GSE1: variants seen among roughly 807,000 people sequenced by gnomAD.
GSE1 encodes genetic suppressor element 1.
In GSE1, 32 loss-of-function variants were observed where a neutral mutation model predicts 112.6. The ratio of observed to expected loss-of-function variants is 0.28; its 90% confidence interval spans 0.21 to 0.38. The LOEUF is 0.38. GSE1 is among the 10% of genes least tolerant of loss of function. The pLI, the probability that GSE1 is intolerant of heterozygous loss-of-function variation, is 1.00. For missense variants in GSE1, 2,348 were observed against 1,699.2 expected (o/e 1.38, Z -6.71); for synonymous variants, 1,115 against 735.6 (o/e 1.52, Z -8.35).
At chr16:85,647,572 G>T (rs549744979) in intron 2 of GSE1, among the ~76,000 whole-genome samples, 5 of 152,152 alleles carry the variant, frequency 3.3e-5, no homozygotes, top group African/African-American at 1.2e-4. Flanking sequence ...GCTGGGCCCC[G>T]TAGAGGGGTG....
chr16:85,188,969 G>T (rs932323166), intron 1 of GSE1, among the ~76,000 whole-genome samples: 1 of 152,122 alleles, frequency 6.6e-6, no homozygotes, highest in Non-Finnish European at 1.5e-5. Flanking sequence ...GCTTTTATCA[G>T]ACTTGCTGTG....
In GSE1 at chr16:85,656,590, G is replaced by A. The variant is rs921395357; in HGVS notation, c.1237G>A (p.Glu413Lys). ...GGAGCCCAGCTTCCTGCCCGTGGCC[G>A]AGCTGCATGGGCTGCGTGGCCATGC... is the stretch of plus-strand genomic sequence containing the variant. ...ALEPSFLPVA[E>K]LHGLRGHATE... The change falls in exon 7 of 16, where the codon GAG (glutamate) becomes AAG (lysine). Residue 413 changes from glutamate to lysine, a missense_variant. By Grantham distance (56) the Glu-to-Lys change is moderately conservative. Coordinates refer to ENST00000253458, the MANE Select transcript of GSE1 (RefSeq NM_014615.5). 45 of 1,546,962 alleles carry A rather than the reference G, an allele frequency of 2.9e-5. No individual in the cohort carries two copies. The highest frequency in any genetic ancestry group is 1.9e-4 in the Middle Eastern group (1 of 5,250).
chr16:85,657,344 C>G lies in GSE1; in HGVS notation c.1380C>G (p.Thr460=). 6.2e-7 allele frequency: 1 copy of G among 1,610,846 alleles called. No homozygotes were observed. The highest frequency in any genetic ancestry group is 8.5e-7 in the Non-Finnish European group (1 of 1,179,276). Residue 460 remains threonine, a synonymous_variant, in exon 8 of 16, where the codon ACC becomes ACG. Coordinates refer to ENST00000253458, the MANE Select transcript of GSE1 (RefSeq NM_014615.5). ...AACACCCCTTGCATCCGGTGCCCAC[C>G]CCACACCACACGGTGCCCAGCCTCA... ...PVQHPLHPVP[T]PHHTVPSLIS...
intron 1 of GSE1, among the ~76,000 whole-genome samples, chr16:85,210,522 C>T (rs2075207014): frequency 6.6e-6 from 1 of 152,014 alleles, no homozygotes; most frequent in Non-Finnish European, 1.5e-5. Context: ...CAGGGAGGTC[C>T]AGGCTGCAGT....
intron 2 of GSE1, among the ~76,000 whole-genome samples, chr16:85,375,903 G>T (rs948441050): frequency 1.9e-4 from 29 of 152,198 alleles, no homozygotes; most frequent in African/African-American, 7.0e-4. Context: ...TCCACCATCA[G>T]CCCCATTTTA....
intron 1 of GSE1, among the ~76,000 whole-genome samples, chr16:85,179,555 C>G (rs1029787454): frequency 2.6e-5 from 4 of 152,150 alleles, no homozygotes; most frequent in Non-Finnish European, 5.9e-5. Context: ...AGATTTAACC[C>G]TCTGAGGACT....
chr16:85,623,187 G>A (rs2048847642), intron 1 of GSE1, among the ~76,000 whole-genome samples: 1 of 151,770 alleles, frequency 6.6e-6, no homozygotes, highest in Admixed American at 6.6e-5. Context: ...ACAGGTTGAA[G>A]GGTAAAAGGC....
At chr16:85,416,482 A>T (rs2048705610) in intron 2 of GSE1, among the ~76,000 whole-genome samples, 1 of 152,102 alleles carries the variant, frequency 6.6e-6, no homozygotes, top group Non-Finnish European at 1.5e-5. Flanking sequence ...CTTTCTGCCC[A>T]GCTCCTTCCC....
At chr16:85,391,908 G>A (rs2047847277) in intron 2 of GSE1, among the ~76,000 whole-genome samples, 1 of 152,148 alleles carries the variant, frequency 6.6e-6, no homozygotes, top group African/African-American at 2.4e-5. Flanking sequence ...GACTCATGCA[G>A]GCTGCAACTT....
rs951757659 is a variant in GSE1 at position 85,308,120 on chromosome 16, C to T, written c.2284-49343C>T. 7.9e-5 allele frequency among the ~76,000 whole-genome samples: 12 copies of T among 152,134 alleles called. No individual in the cohort carries two copies. The South Asian group carries it at 1.2e-3, about 16-fold the overall frequency. On this transcript the variant is annotated intron_variant, in intron 1 of 2. Coordinates refer to the GSE1 transcript ENST00000637419. Reference sequence around the variant, plus strand: ...CTTGGTCATGGACTTCAGAAGACTCCGAGTAAGTGTCTGCATTTCGGTTTC... The same window carrying T: ...CTTGGTCATGGACTTCAGAAGACTCTGAGTAAGTGTCTGCATTTCGGTTTC...
At chr16:85,609,307 TACCTCA>T (rs1294642241), upstream of GSE1, among the ~76,000 whole-genome samples, 3 of 152,228 alleles carry the variant, frequency 2.0e-5, no homozygotes, top group African/African-American at 7.2e-5. Context: ...GGCACAATCA[TACCTCA>T]GCCTCAGACT....
chr16:85,372,538 T>A (rs2047325467), intron 2 of GSE1, among the ~76,000 whole-genome samples: 1 of 149,896 alleles, frequency 6.7e-6, no homozygotes, highest in South Asian at 2.1e-4. Context: ...CAAGCACACA[T>A]TAGCAAGTAG....
intron 1 of GSE1, among the ~76,000 whole-genome samples, chr16:85,304,342 G>T (rs926495021): frequency 2.6e-5 from 4 of 152,232 alleles, no homozygotes; most frequent in Non-Finnish European, 5.9e-5. Flanking sequence ...ACAGCCAGGT[G>T]GGGAGAGGCC....
At chr16:85,628,688 C>G (rs912172239) in intron 1 of GSE1, among the ~76,000 whole-genome samples, 1 of 152,206 alleles carries the variant, frequency 6.6e-6, no homozygotes, top group African/African-American at 2.4e-5. Flanking sequence ...AGCCGCCATC[C>G]CTTTGAATGT....
intron 2 of GSE1, among the ~76,000 whole-genome samples, chr16:85,647,589 A>G (rs1192385436): frequency 1.3e-5 from 2 of 151,894 alleles, no homozygotes; most frequent in Middle Eastern, 3.4e-3. Context: ...GGTGCTGACC[A>G]CTTCTTTTTT....
At chr16:85,413,416 C>T (rs1312339133) in intron 2 of GSE1, among the ~76,000 whole-genome samples, 1 of 152,024 alleles carries the variant, frequency 6.6e-6, no homozygotes, top group Admixed American at 6.6e-5. Context: ...CCAGCTGTGA[C>T]CCCCAAGCAT....
At chr16:85,520,712 C>T (rs568741151) in intron 2 of GSE1, among the ~76,000 whole-genome samples, 268 of 152,146 alleles carry the variant, frequency 1.8e-3, no homozygotes, top group African/African-American at 6.0e-3. Flanking sequence ...AGTGAGCCAC[C>T]GCGCCTAGCC....
At chr16:85,569,974 G>T (rs570888761) in intron 1 of GSE1, among the ~76,000 whole-genome samples, 1 of 151,240 alleles carries the variant, frequency 6.6e-6, no homozygotes, top group Non-Finnish European at 1.5e-5. Flanking sequence ...CGCCTCTGTC[G>T]GAGGAGGACA....
At chr16:85,477,898 G>C (rs530532946) in intron 2 of GSE1, among the ~76,000 whole-genome samples, 2 of 152,114 alleles carry the variant, frequency 1.3e-5, no homozygotes, top group South Asian at 4.2e-4. Flanking sequence ...TTGAGATGAA[G>C]TTCTCATATC....
Sources: allele counts gnomAD v4.1 joint callset (sites outside exome capture counted in the v4.1 genomes callset), GRCh38; gene constraint gnomAD v4.1.1; transcripts MANE v1.5; gene names NCBI Gene and HGNC (gene_info 2026-07-23, HGNC 2026-07-21).